The following HELB variants were observed in gnomAD, a reference collection of about 807,000 sequenced individuals.
HELB encodes DNA 5'-3' helicase B.
In HELB, 96 loss-of-function variants were observed where a neutral mutation model predicts 101.7. The ratio of observed to expected loss-of-function variants is 0.94; its 90% confidence interval spans 0.80 to 1.12. The LOEUF (loss-of-function observed/expected upper bound fraction) is 1.12. HELB is among the 50% of genes most tolerant of loss of function. HELB has a pLI of 0.00. For missense variants in HELB, 1,210 were observed against 1,291.9 expected (o/e 0.94, Z 0.97); for synonymous variants, 437 against 459.7 (o/e 0.95, Z 0.63).
chr12:66,318,666 G>T lies in HELB; in HGVS notation c.2029G>T (p.Asp677Tyr). 1 of 1,594,956 alleles carries T rather than the reference G, an allele frequency of 6.3e-7. No homozygotes were observed. The highest frequency in any genetic ancestry group is 1.2e-5 in the South Asian group (1 of 86,806). The part of the protein sequence containing the change: ...RISRRQFPKF[D>Y]AELNISDNPT... Reference sequence around the variant, plus strand: ...CTCAAGACGCCAATTTCCAAAATTTGATGCAGAACTAAATATCTCTGATAA... The same window carrying T: ...CTCAAGACGCCAATTTCCAAAATTTTATGCAGAACTAAATATCTCTGATAA... Residue 677 changes from aspartate (D) to tyrosine (Y), a missense_variant, in exon 7 of 13, where the codon GAT becomes TAT. Coordinates refer to ENST00000247815, the MANE Select transcript of HELB (RefSeq NM_001370285.1).
In HELB at chr12:66,306,366, C is replaced by T; in HGVS notation, c.629C>T (p.Thr210Ile). The change falls in exon 3 of 13, where the codon ACA (threonine) becomes ATA (isoleucine). Residue 210 changes from threonine to isoleucine, a missense_variant. Thr to Ile is a moderately conservative substitution (Grantham distance 89, BLOSUM62 -1). Coordinates refer to ENST00000247815, the MANE Select transcript of HELB (RefSeq NM_001370285.1). Reference protein sequence around the residue: ...ENTIPFRNVMTALQFPKIMEF... With the variant: ...ENTIPFRNVMIALQFPKIMEF... ...GTAGTTCCATTTAGAAATGTAATGA[C>T]AGCTTTGCAGTTTCCGAAGATAATG... is the stretch of plus-strand genomic sequence containing the variant. 6.3e-7 allele frequency: 1 copy of T among 1,592,718 alleles called. No homozygotes were observed. The highest frequency in any genetic ancestry group is 2.3e-5 in the East Asian group (1 of 43,972).
intron 6 of HELB, among the ~76,000 whole-genome samples, chr12:66,316,747 C>T (rs1334166233): frequency 5.3e-5 from 8 of 151,262 alleles, no homozygotes; most frequent in Admixed American, 4.6e-4. Context: ...AGGCCAGGCG[C>T]GGTGGCTCAT....
intron 8 of HELB, among the ~76,000 whole-genome samples, chr12:66,322,348 AG>A (rs1329767940): frequency 2.0e-5 from 3 of 152,014 alleles, no homozygotes; most frequent in African/African-American, 7.2e-5. Flanking sequence ...AGATCACTTG[AG>A]GTCAGGAGTT....
chr12:66,323,341 A>G (rs1448594264), intron 9 of HELB, among the ~76,000 whole-genome samples: 1 of 152,026 alleles, frequency 6.6e-6, no homozygotes, highest in Non-Finnish European at 1.5e-5. Context: ...GCCCAACAAG[A>G]GGCCAGAAAG....
In HELB at chr12:66,302,790, G is replaced by C; in HGVS notation, c.187G>C (p.Val63Leu). The change falls in exon 1 of 13, where the codon GTT (valine) becomes CTT (leucine). Residue 63 changes from valine (V) to leucine (L), a missense_variant and splice_region_variant. By Grantham distance (32) the Val-to-Leu change is conservative. Coordinates refer to ENST00000247815, the MANE Select transcript of HELB (RefSeq NM_001370285.1). ...KAGSLPGCLR[V>L]SICDENTQET... ...TGGCAGCCTCCCCGGGTGCCTCCGC[G>C]GTGAGGAAGGCGTCTGCCCGGGGGA... The C allele has an allele frequency of 1.2e-6, 2 of 1,604,740 alleles. No individual in the cohort carries two copies. Among genetic ancestry groups the C allele is most frequent in the Middle Eastern group, 1.7e-4 (1 of 5,958 alleles).
At chr12:66,319,881 G>GTTT (rs756791780) in intron 7 of HELB, among the ~76,000 whole-genome samples, 1 of 149,596 alleles carries the variant, frequency 6.7e-6, no homozygotes, top group Non-Finnish European at 1.5e-5. Flanking sequence ...TGCTTTTTTG[G>GTTT]TTTTTTTTGT....
downstream of HELB, chr12:66,341,205 A>G (rs923818763): frequency 6.6e-6 from 1 of 152,272 alleles, no homozygotes; most frequent in African/African-American, 2.4e-5. Context: ...CCAGAGTCCA[A>G]AGGTGGAAAA....
At chr12:66,308,967 G>A (rs1358206415) in intron 3 of HELB, among the ~76,000 whole-genome samples, 2 of 152,182 alleles carry the variant, frequency 1.3e-5, no homozygotes, top group African/African-American at 4.8e-5. Flanking sequence ...GACGTGCTCA[G>A]TAGATTATAG....
At chr12:66,324,710 T>C (rs773003849) in intron 10 of HELB, among the ~76,000 whole-genome samples, 2 of 152,194 alleles carry the variant, frequency 1.3e-5, no homozygotes, top group Non-Finnish European at 2.9e-5. Context: ...AATGAATGTA[T>C]AGACTTCAAA....
At chr12:66,320,137 A>T (rs1478983367) in intron 7 of HELB, among the ~76,000 whole-genome samples, 1 of 152,124 alleles carries the variant, frequency 6.6e-6, no homozygotes, top group Non-Finnish European at 1.5e-5. Flanking sequence ...GACTGATTAA[A>T]TTTGTTGCAA....
chr12:66,324,877 T>G, intron 10 of HELB, 106 bp from the exon 11 acceptor site: 1 of 1,383,864 alleles, frequency 7.2e-7, no homozygotes, highest in Non-Finnish European at 1.0e-6. Context: ...ATGGTAATTG[T>G]AATTCTTATA....
chr12:66,318,295 C>A (rs1170181355), intron 6 of HELB, among the ~76,000 whole-genome samples: 1 of 152,170 alleles, frequency 6.6e-6, no homozygotes, highest in Admixed American at 6.5e-5. Flanking sequence ...AAGGATAATA[C>A]CTTCCTTGCA....
At position 66,310,215 on chromosome 12, in the gene HELB, G is replaced by A. The variant is rs754220573; in HGVS notation, c.1287G>A (p.Trp429Ter). ...CACAGGACAATGGTGACCATATTTGGACTAATGGTGAAAATGAAATTAATG... is the reference window on the plus strand; with the variant it reads ...CACAGGACAATGGTGACCATATTTGAACTAATGGTGAAAATGAAATTAATG... ...VDTQDNGDHI[W>*]TNGENEINAE... The change falls in exon 4 of 13, where the codon TGG (tryptophan) becomes TGA (stop). Residue 429 changes from tryptophan (W) to a stop codon, truncating the protein, a stop_gained. Coordinates refer to ENST00000247815, the MANE Select transcript of HELB (RefSeq NM_001370285.1). LOFTEE classifies it high-confidence loss of function. The A allele has an allele frequency of 1.3e-5, 21 of 1,614,136 alleles. No homozygotes were observed. In the Admixed American group the frequency reaches 3.2e-4, roughly 24 times the overall value.
chr12:66,325,057 G>A lies in HELB; in HGVS notation c.2601G>A (p.Val867=), dbSNP rs1248197579. ...ATATGGCTGGCCTGGAAGTAACTGTGGATTTTAAGAAACTAATGAAATATT... is the reference window on the plus strand; with the variant it reads ...ATATGGCTGGCCTGGAAGTAACTGTAGATTTTAAGAAACTAATGAAATATT... ...INNMAGLEVT[V]DFKKLMKYCR... Residue 867 remains valine (V), a synonymous_variant, in exon 11 of 13, where the codon GTG becomes GTA. Coordinates refer to ENST00000247815, the MANE Select transcript of HELB (RefSeq NM_001370285.1). 1 of 1,613,568 alleles carries A rather than the reference G, an allele frequency of 6.2e-7. No homozygotes were observed. Among genetic ancestry groups the A allele is most frequent in the Non-Finnish European group, 8.5e-7 (1 of 1,179,716 alleles).
chr12:66,323,986 C>T lies in HELB; in HGVS notation c.2301C>T (p.Asp767=), dbSNP rs1440940146. Residue 767 remains aspartate (D), a synonymous_variant, in exon 10 of 13, where the codon GAC becomes GAT. Transcript: ENST00000247815. ...ATATTATCATTTTCTATCCCAGAGA[C>T]CATCAGAGTAGACTTGTTTTTGGAA... ...CKHYTGHLTK[D]HQSRLVFGIG... 6.3e-7 allele frequency: 1 copy of T among 1,598,878 alleles called. No individual in the cohort carries two copies. Among genetic ancestry groups the T allele is most frequent in the Non-Finnish European group, 8.6e-7 (1 of 1,166,706 alleles).
chr12:66,321,780 C>T (rs2053673429), intron 7 of HELB, 168 bp from the exon 8 acceptor site: 3 of 509,990 alleles, frequency 5.9e-6, no homozygotes, highest in Admixed American at 6.9e-5. Flanking sequence ...TTCCTATTGC[C>T]CTGGCTGATG....
At chr12:66,317,004 G>C (rs1410641631) in intron 6 of HELB, among the ~76,000 whole-genome samples, 1 of 125,714 alleles carries the variant, frequency 8.0e-6, no homozygotes, top group Non-Finnish European at 1.6e-5. Flanking sequence ...GGGTGATACA[G>C]CAAGACTCCA....
In HELB at chr12:66,305,008, A is replaced by T; in HGVS notation, c.465A>T (p.Lys155Asn). 2 of 1,613,870 alleles carry T rather than the reference A, an allele frequency of 1.2e-6. No individual in the cohort carries two copies. Among genetic ancestry groups the T allele is most frequent in the Non-Finnish European group, 1.7e-6 (2 of 1,179,964 alleles). The change falls in exon 2 of 13, where the codon AAA becomes AAT. Residue 155 changes from lysine to asparagine, a missense_variant. Coordinates refer to ENST00000247815, the MANE Select transcript of HELB (RefSeq NM_001370285.1). ...GGGTAAAGGAGGTATCAAACTACAA[A>T]AACCTAAACTTTGAAAATCTTAGGG... is the stretch of plus-strand genomic sequence containing the variant. ...LTWVKEVSNY[K>N]NLNFENLRET... is the part of the protein sequence containing the mutation.
chr12:66,336,981 A>C (rs1449593747), intron 12 of HELB, among the ~76,000 whole-genome samples: 1 of 152,146 alleles, frequency 6.6e-6, no homozygotes, highest in Non-Finnish European at 1.5e-5. Flanking sequence ...GCGTAAAATG[A>C]GGAGGTTCTA....
Sources: gnomAD v4.1 joint callset for allele counts (sites outside exome capture counted in the v4.1 genomes callset) on GRCh38, gnomAD v4.1.1 for gene constraint, MANE v1.5 for transcripts, NCBI Gene and HGNC (gene_info 2026-07-23, HGNC 2026-07-21) for gene names.